Variants in FERMT2 observed in about 807,000 individuals in gnomAD.
FERMT2 encodes FERM domain containing kindlin 2.
In FERMT2, 15 loss-of-function variants were observed where a neutral mutation model predicts 82.7. The observed-to-expected ratio is 0.18, with a 90% CI of 0.12 to 0.28. The LOEUF (loss-of-function observed/expected upper bound fraction) is 0.28, where lower values mean the gene tolerates loss of function less well. Among genes scored for constraint, FERMT2 ranks in the 10% least tolerant of loss-of-function variants. The probability of loss-of-function intolerance (pLI) is 1.00; values close to 1 mark genes in which losing one functional copy is unlikely to be tolerated. For synonymous variants in FERMT2, 274 were observed against 271.5 expected (o/e 1.01, Z -0.09); for missense variants, 645 against 809.4 (o/e 0.80, Z 2.46).
intron 10 of FERMT2, chr14:52,871,617 AAG>A (rs1885628408): frequency 6.6e-6 from 1 of 152,326 alleles, no homozygotes; most frequent in Non-Finnish European, 1.5e-5. Context: ...AAAAAGGTGA[AAG>A]AGCAGTATGA....
intron 2 of FERMT2, among the ~76,000 whole-genome samples, chr14:52,947,696 T>A (rs2139717270): frequency 6.6e-6 from 1 of 152,348 alleles, no homozygotes; most frequent in East Asian, 1.9e-4. Context: ...CACTCTGGGA[T>A]GAACCCTAGC....
At chr14:52,917,677 A>C (rs1186958883) in intron 3 of FERMT2, among the ~76,000 whole-genome samples, 1 of 152,228 alleles carries the variant, frequency 6.6e-6, no homozygotes, top group Admixed American at 6.5e-5. Context: ...ATGAACATCC[A>C]TAACAGTGCT....
At chr14:52,950,649 A>G in intron 1 of FERMT2, 72 bp from the exon 2 acceptor site, 1 of 1,492,484 alleles carries the variant, frequency 6.7e-7, no homozygotes, top group South Asian at 1.2e-5. Context: ...CCGAATTCGC[A>G]GCGCCGGCCA....
At chr14:52,940,229 A>C (rs896995344) in intron 2 of FERMT2, among the ~76,000 whole-genome samples, 5 of 152,084 alleles carry the variant, frequency 3.3e-5, no homozygotes, top group Non-Finnish European at 7.4e-5. Context: ...ATGTATCTAA[A>C]TGACAGATAA....
intron 12 of FERMT2, 73 bp downstream of exon 12, chr14:52,864,328 G>A (rs1885139411): frequency 8.9e-7 from 1 of 1,119,476 alleles, no homozygotes; most frequent in South Asian, 1.4e-5. Flanking sequence ...TGTTTAAGAG[G>A]GGAAAAACAA....
intron 3 of FERMT2, among the ~76,000 whole-genome samples, chr14:52,903,265 T>C (rs1484072580): frequency 1.3e-5 from 2 of 151,996 alleles, no homozygotes; most frequent in Non-Finnish European, 2.9e-5. Context: ...AGGCCAGGCA[T>C]GGTGACTCAT....
At chr14:52,888,697 G>A (rs1200445783) in intron 4 of FERMT2, among the ~76,000 whole-genome samples, 2 of 152,044 alleles carry the variant, frequency 1.3e-5, no homozygotes, top group Non-Finnish European at 1.5e-5. Flanking sequence ...TTCACCTATG[G>A]TTTCCAGGCA....
At chr14:52,863,758 C>G (rs565931993) in intron 12 of FERMT2, 1 of 152,236 alleles carries the variant, frequency 6.6e-6, no homozygotes, top group South Asian at 2.1e-4. Context: ...GCTGGAAAAG[C>G]CAATTTCAAC....
chr14:52,914,163 G>A (rs943145458), intron 3 of FERMT2, among the ~76,000 whole-genome samples: 29 of 151,838 alleles, frequency 1.9e-4, no homozygotes, highest in African/African-American at 6.5e-4. Context: ...AGAAGTTAAA[G>A]ACCAGCCTGG....
chr14:52,881,464 T>C lies in FERMT2; in HGVS notation c.532A>G (p.Ile178Val), dbSNP rs756189362. The C allele has an allele frequency of 1.9e-6, 3 of 1,600,284 alleles. No homozygotes were observed. The South Asian group carries it at 3.3e-5, about 18-fold the overall frequency. ...GPLITPGSGSIYSSPGLYSKT... is the reference protein window; with the variant it reads ...GPLITPGSGSVYSSPGLYSKT... Reference sequence around the variant, plus strand: ...CTATACAGTCCTGGGCTTGAATATATACTTCCTAATAAGTAACATGAAAAA... The same window carrying C: ...CTATACAGTCCTGGGCTTGAATATACACTTCCTAATAAGTAACATGAAAAA... The change falls in exon 5 of 15, where the codon ATA becomes GTA. Residue 178 changes from isoleucine (I) to valine (V), a missense_variant. Coordinates refer to ENST00000341590, the MANE Select transcript of FERMT2 (RefSeq NM_006832.3).
At chr14:52,884,675 C>T (rs1029782705) in intron 4 of FERMT2, among the ~76,000 whole-genome samples, 1 of 152,046 alleles carries the variant, frequency 6.6e-6, no homozygotes, top group East Asian at 1.9e-4. Flanking sequence ...CTATAACTTA[C>T]GTAAGCCATT....
chr14:52,893,203 C>A, intron 4 of FERMT2, 90 bp downstream of exon 4: 1 of 1,227,036 alleles, frequency 8.1e-7, no homozygotes, highest in Non-Finnish European at 1.1e-6. Flanking sequence ...CTCTTCCTGA[C>A]CTACATGATC....
intron 12 of FERMT2, chr14:52,862,679 A>G (rs1178798165): frequency 6.6e-6 from 1 of 152,174 alleles, no homozygotes; most frequent in African/African-American, 2.4e-5. Context: ...CTCAAAGAGA[A>G]CAAAATACAC....
At chr14:52,907,566 C>T (rs904195855) in intron 3 of FERMT2, among the ~76,000 whole-genome samples, 8 of 151,780 alleles carry the variant, frequency 5.3e-5, no homozygotes, top group Non-Finnish European at 1.0e-4. Flanking sequence ...AAATACATGA[C>T]ACAAAAAGGA....
intron 4 of FERMT2, among the ~76,000 whole-genome samples, chr14:52,886,082 T>C (rs1055229211): frequency 6.6e-6 from 1 of 152,078 alleles, no homozygotes; most frequent in Non-Finnish European, 1.5e-5. Flanking sequence ...ATTAATAGAA[T>C]ATAAATGGCT....
chr14:52,863,991 A>T (rs953827847), intron 12 of FERMT2, among the ~76,000 whole-genome samples: 3 of 150,604 alleles, frequency 2.0e-5, no homozygotes, highest in African/African-American at 7.3e-5. Context: ...TGTTCTATTA[A>T]AATGATAAAG....
chr14:52,929,745 T>TC (rs370213204), intron 2 of FERMT2, among the ~76,000 whole-genome samples: 3 of 152,124 alleles, frequency 2.0e-5, no homozygotes, highest in African/African-American at 7.2e-5. Context: ...ATGTCCTATG[T>TC]CCCCCCATAC....
In FERMT2 at chr14:52,858,548, G is replaced by T; in HGVS notation, c.1872C>A (p.Val624=). The change falls in exon 15 of 15, where the codon GTC becomes GTA. Residue 624 remains valine, a splice_region_variant and synonymous_variant. Coordinates refer to ENST00000341590, the MANE Select transcript of FERMT2 (RefSeq NM_006832.3). ...QWNVNWEIKM[V]TVEFADEVRL... ...GTACTTCATCTGCAAACTCTACGGT[G>T]ACCTGGAACAAAGACAAGAGCCATC... The T allele has an allele frequency of 6.2e-7, 1 of 1,613,806 alleles. No individual in the cohort carries two copies. Among genetic ancestry groups the T allele is most frequent in the Non-Finnish European group, 8.5e-7 (1 of 1,179,804 alleles).
intron 10 of FERMT2, among the ~76,000 whole-genome samples, chr14:52,870,525 G>A (rs965454047): frequency 6.6e-6 from 1 of 152,188 alleles, no homozygotes; most frequent in South Asian, 2.1e-4. Flanking sequence ...TGGGATTATA[G>A]GCATGAGCCA....
Sources: gnomAD v4.1 joint callset for allele counts (sites outside exome capture counted in the v4.1 genomes callset) on GRCh38, gnomAD v4.1.1 for gene constraint, MANE v1.5 for transcripts, NCBI Gene and HGNC (gene_info 2026-07-23, HGNC 2026-07-21) for gene names.